The following MCU variants were observed in gnomAD, a reference collection of about 807,000 sequenced individuals.
MCU encodes calcium uniporter protein, mitochondrial.
MCU carries 12 observed loss-of-function variants against 45.2 expected under a neutral mutation model. That is an observed-to-expected ratio of 0.27 (90% CI 0.17 to 0.43). The LOEUF (loss-of-function observed/expected upper bound fraction) is 0.43, where lower values mean the gene tolerates loss of function less well. MCU is among the 20% of genes least tolerant of loss of function. The probability of loss-of-function intolerance (pLI) is 1.00; values close to 1 mark genes in which losing one functional copy is unlikely to be tolerated. For synonymous variants in MCU, 160 were observed against 165.1 expected, an observed-to-expected ratio of 0.97 and a Z score of 0.24; for missense variants, 324 against 436.7, an observed-to-expected ratio of 0.74 and a Z score of 2.30.
intron 2 of MCU, 23 bp downstream of exon 2, chr10:72,834,451 T>A: frequency 6.3e-7 from 1 of 1,593,802 alleles, no homozygotes; most frequent in Non-Finnish European, 8.6e-7. Context: ...AAATCCACCT[T>A]TTATGTCTAA....
intron 1 of MCU, among the ~76,000 whole-genome samples, chr10:72,750,239 A>G (rs1843475203): frequency 6.6e-6 from 1 of 152,192 alleles, no homozygotes; most frequent in African/African-American, 2.4e-5. Context: ...AGAGATTAAG[A>G]GGGAAAAGGT....
intron 1 of MCU, among the ~76,000 whole-genome samples, chr10:72,824,933 C>T (rs908033694): frequency 1.3e-5 from 2 of 152,182 alleles, no homozygotes; most frequent in African/African-American, 4.8e-5. Flanking sequence ...GGGATGACTT[C>T]TCACCAGCAT....
intron 1 of MCU, among the ~76,000 whole-genome samples, chr10:72,754,858 G>A (rs746051165): frequency 1.8e-4 from 27 of 152,266 alleles, no homozygotes; most frequent in Non-Finnish European, 3.1e-4. Flanking sequence ...CCCAACAAAT[G>A]ACACTCAAGT....
intron 1 of MCU, among the ~76,000 whole-genome samples, chr10:72,748,345 C>T (rs1843444644): frequency 1.3e-5 from 2 of 152,190 alleles, no homozygotes. Flanking sequence ...ACCGCACCGG[C>T]CAACCGTCTT....
intron 1 of MCU, chr10:72,730,809 A>G (rs1843162831): frequency 6.6e-6 from 1 of 152,214 alleles, no homozygotes; most frequent in South Asian, 2.1e-4. Context: ...TATGTATGCA[A>G]TAGTGCACTG....
intron 1 of MCU, chr10:72,715,342 CTT>C: frequency 5.5e-6 from 1 of 180,480 alleles, no homozygotes; most frequent in Non-Finnish European, 1.1e-5. Flanking sequence ...TGGGCTGGCT[CTT>C]TGCTCCAGCC....
At chr10:72,779,687 A>T (rs1479280026) in intron 1 of MCU, among the ~76,000 whole-genome samples, 1 of 152,240 alleles carries the variant, frequency 6.6e-6, no homozygotes, top group African/African-American at 2.4e-5. Context: ...GATGCTCAAC[A>T]TCATTAGTCA....
chr10:72,824,292 G>A (rs1224127304), intron 1 of MCU, among the ~76,000 whole-genome samples: 1 of 151,082 alleles, frequency 6.6e-6, no homozygotes, highest in East Asian at 1.9e-4. Context: ...CACCTCCCAG[G>A]TTCAAGCGAT....
chr10:72,848,105 A>G (rs1391910138), intron 2 of MCU, among the ~76,000 whole-genome samples: 2 of 152,136 alleles, frequency 1.3e-5, no homozygotes, highest in Non-Finnish European at 2.9e-5. Flanking sequence ...GAATATAGAC[A>G]ATCCCTGACT....
intron 1 of MCU, chr10:72,756,805 A>G (rs1055358684): frequency 2.8e-5 from 4 of 143,130 alleles, no homozygotes; most frequent in Admixed American, 1.4e-4. Flanking sequence ...CCCTGCTGCC[A>G]TCTTTAGCAC....
chr10:72,864,966 C>T (rs1411391241), intron 4 of MCU, among the ~76,000 whole-genome samples: 1 of 152,106 alleles, frequency 6.6e-6, no homozygotes, highest in Non-Finnish European at 1.5e-5. Context: ...TGGTAACATT[C>T]TGAAAGTTCA....
chr10:72,693,038 G>A (rs750187968), intron 1 of MCU: 3 of 1,536,144 alleles, frequency 2.0e-6, no homozygotes, highest in Admixed American at 3.9e-5. Context: ...CGGGAAGGGT[G>A]GTCAGCAGGC....
intron 6 of MCU, among the ~76,000 whole-genome samples, chr10:72,873,013 G>GTTTTTTTT (rs1193681306): frequency 9.0e-5 from 8 of 88,848 alleles, no homozygotes; most frequent in South Asian, 3.8e-4. Context: ...TGTTTTTTGG[G>GTTTTTTTT]TTTTTTTTTT....
At chr10:72,706,858 C>G (rs1842828152) in intron 1 of MCU, among the ~76,000 whole-genome samples, 1 of 138,308 alleles carries the variant, frequency 7.2e-6, no homozygotes, top group Non-Finnish European at 1.5e-5. Context: ...TTGAGACAGT[C>G]TCACTCTGTC....
chr10:72,828,578 G>A (rs1043272567), intron 1 of MCU, among the ~76,000 whole-genome samples: 1 of 151,756 alleles, frequency 6.6e-6, no homozygotes, highest in East Asian at 1.9e-4. Flanking sequence ...ATTTAGATTT[G>A]ACAATCCTCC....
At chr10:72,853,434 A>G (rs1394642626) in intron 2 of MCU, among the ~76,000 whole-genome samples, 1 of 152,212 alleles carries the variant, frequency 6.6e-6, no homozygotes, top group African/African-American at 2.4e-5. Context: ...GTATATTGCA[A>G]TTAAAACTAT....
At chr10:72,852,066 A>G (rs1845215111) in intron 2 of MCU, among the ~76,000 whole-genome samples, 3 of 152,138 alleles carry the variant, frequency 2.0e-5, no homozygotes, top group East Asian at 1.9e-4. Flanking sequence ...AACTCTCTCT[A>G]CTTCTTGATC....
At chr10:72,786,828 TA>T (rs1411320244) in intron 1 of MCU, among the ~76,000 whole-genome samples, 7 of 152,214 alleles carry the variant, frequency 4.6e-5, no homozygotes, top group African/African-American at 1.7e-4. Flanking sequence ...TCACTAAATT[TA>T]ATCCTCCTGG....
chr10:72,797,619 C>T (rs1186392347), intron 1 of MCU, among the ~76,000 whole-genome samples: 2 of 149,706 alleles, frequency 1.3e-5, no homozygotes, highest in Non-Finnish European at 3.0e-5. Flanking sequence ...ACTGCAACCT[C>T]CGTCTCCTGG....
Sources: allele counts gnomAD v4.1 joint callset (sites outside exome capture counted in the v4.1 genomes callset), GRCh38; gene constraint gnomAD v4.1.1; transcripts MANE v1.5; gene names NCBI Gene and HGNC (gene_info 2026-07-23, HGNC 2026-07-21).